CCDC141: variants seen among roughly 807,000 people sequenced by gnomAD.
The protein encoded by CCDC141 is coiled-coil domain-containing protein 141.
In CCDC141, 168 loss-of-function variants were observed where a neutral mutation model predicts 181.0. The ratio of observed to expected loss-of-function variants is 0.93; its 90% CI spans 0.82 to 1.05. The LOEUF (loss-of-function observed/expected upper bound fraction) is 1.05, where lower values mean the gene tolerates loss of function less well. Ranked by LOEUF, CCDC141 falls within the 50% of genes least tolerant of loss-of-function variation. The pLI is 0.00. For synonymous variants in CCDC141, 666 were observed against 642.3 expected (o/e 1.04, Z -0.56); for missense variants, 1,902 against 1,788.5 (o/e 1.06, Z -1.14).
At chr2:178,899,995 G>A (rs1431322816) in intron 8 of CCDC141, among the ~76,000 whole-genome samples, 1 of 152,026 alleles carries the variant, frequency 6.6e-6, no homozygotes, top group East Asian at 1.9e-4. Flanking sequence ...AATTTTTAAT[G>A]GGTTTTTATT....
At chr2:178,871,310 AC>A in intron 14 of CCDC141, 116 bp downstream of exon 14, 1 of 1,203,030 alleles carries the variant, frequency 8.3e-7, no homozygotes, top group Non-Finnish European at 1.2e-6. Context: ...GACAAGCAAT[AC>A]TTTTGTTTAA....
chr2:178,911,222 C>T (rs1688204498), intron 7 of CCDC141, among the ~76,000 whole-genome samples: 1 of 152,170 alleles, frequency 6.6e-6, no homozygotes, highest in Admixed American at 6.5e-5. Flanking sequence ...AGCATTACAT[C>T]ACATTAGAGA....
intron 8 of CCDC141, among the ~76,000 whole-genome samples, chr2:178,902,079 C>A (rs967116462): frequency 2.0e-5 from 3 of 152,064 alleles, no homozygotes; most frequent in African/African-American, 4.8e-5. Context: ...AGGAGAACTA[C>A]AAACCACTGC....
At chr2:178,959,220 C>T (rs535150777) in intron 5 of CCDC141, among the ~76,000 whole-genome samples, 1 of 151,364 alleles carries the variant, frequency 6.6e-6, no homozygotes, top group South Asian at 2.1e-4. Flanking sequence ...TGCAGCACAC[C>T]AACATGGCAC....
At chr2:178,874,331 G>A (rs916943295) in intron 12 of CCDC141, 1 of 152,158 alleles carries the variant, frequency 6.6e-6, no homozygotes, top group Admixed American at 6.6e-5. Flanking sequence ...TTAGGGTAGA[G>A]TGACCGTGTT....
chr2:179,031,347 T>C lies in CCDC141; in HGVS notation c.225+15937A>G, dbSNP rs2042995217. On this transcript the variant is annotated intron_variant, in intron 2 of 23. Coordinates refer to ENST00000443758, the MANE Select transcript of CCDC141 (RefSeq NM_173648.4). ...TTAATATCTGTGGGGTTTATAGTGA[T>C]ACCCATCTTTTACGCCTAATATTAA... Among the ~76,000 whole-genome samples the C allele has an allele frequency of 2.0e-5, 3 of 152,058 alleles. No individual in the cohort carries two copies. The South Asian group carries it at 6.2e-4, about 32-fold the overall frequency.
At chr2:179,016,138 T>TAAG (rs2042534911) in intron 2 of CCDC141, among the ~76,000 whole-genome samples, 1 of 147,942 alleles carries the variant, frequency 6.8e-6, no homozygotes, top group African/African-American at 2.5e-5. Context: ...ACATGGGAGC[T>TAAG]AAGCTATGAG....
intron 2 of CCDC141, among the ~76,000 whole-genome samples, chr2:178,997,161 T>C (rs1024933605): frequency 7.2e-5 from 11 of 152,204 alleles, no homozygotes; most frequent in African/African-American, 2.2e-4. Context: ...TGTGGAGAAA[T>C]TGGGTCTCCG....
chr2:179,009,936 T>C (rs964071519), intron 2 of CCDC141, among the ~76,000 whole-genome samples: 1 of 151,864 alleles, frequency 6.6e-6, no homozygotes, highest in African/African-American at 2.4e-5. Context: ...TTAAAGGAAA[T>C]AGATAGCTTA....
chr2:178,966,697 C>T (rs542716087), intron 4 of CCDC141, among the ~76,000 whole-genome samples: 132 of 152,144 alleles, frequency 8.7e-4, no homozygotes, highest in African/African-American at 3.1e-3. Flanking sequence ...TGCTTCTCCT[C>T]CAAAGGATCA....
intron 5 of CCDC141, among the ~76,000 whole-genome samples, chr2:178,946,700 T>G (rs1180111001): frequency 6.6e-6 from 1 of 152,188 alleles, no homozygotes; most frequent in African/African-American, 2.4e-5. Flanking sequence ...CCAGCAGTGA[T>G]GAAAGCTGGG....
chr2:179,039,964 A>C (rs915158361), intron 2 of CCDC141, among the ~76,000 whole-genome samples: 2 of 152,214 alleles, frequency 1.3e-5, no homozygotes, highest in Non-Finnish European at 2.9e-5. Context: ...TTCTAGACTC[A>C]TAATATTAGA....
intron 11 of CCDC141, among the ~76,000 whole-genome samples, chr2:178,878,698 T>C (rs1441437299): frequency 6.6e-6 from 1 of 152,170 alleles, no homozygotes; most frequent in East Asian, 1.9e-4. Context: ...GGATTGTTGA[T>C]TGTTTGGGTA....
intron 2 of CCDC141, among the ~76,000 whole-genome samples, chr2:179,008,086 A>G (rs2042163843): frequency 6.6e-6 from 1 of 152,204 alleles, no homozygotes; most frequent in African/African-American, 2.4e-5. Flanking sequence ...ACTGAGCCCT[A>G]ATTTTAAAAT....
intron 22 of CCDC141, among the ~76,000 whole-genome samples, chr2:178,842,227 T>C (rs1426886338): frequency 6.6e-6 from 1 of 152,200 alleles, no homozygotes; most frequent in Non-Finnish European, 1.5e-5. Flanking sequence ...CAACTCTCAA[T>C]CTGCTTTTCT....
At chr2:178,824,413 A>G in the CCDC141 span, among the ~76,000 whole-genome samples, 3 of 152,060 alleles carry the variant, frequency 2.0e-5, no homozygotes, top group African/African-American at 7.2e-5. Flanking sequence ...ACCTGAGGTC[A>G]AGAGTTTGGG....
intron 8 of CCDC141, among the ~76,000 whole-genome samples, chr2:178,894,676 A>G (rs1687322584): frequency 2.0e-5 from 3 of 152,092 alleles, no homozygotes; most frequent in African/African-American, 7.2e-5. Flanking sequence ...AAAAAGGAAA[A>G]AAGAGAAAAT....
intron 4 of CCDC141, among the ~76,000 whole-genome samples, chr2:178,972,883 G>A (rs1281825772): frequency 6.6e-6 from 1 of 152,138 alleles, no homozygotes; most frequent in East Asian, 1.9e-4. Context: ...ATATTAGGGA[G>A]CCTTAGCACT....
Position 178,877,999 on chromosome 2 carries a change from C to A in CCDC141, c.1864G>T (p.Asp622Tyr), listed in dbSNP as rs769398988. Reference protein sequence around the residue: ...LFLKKSFITQDLGLEFLNLIN... With the variant: ...LFLKKSFITQYLGLEFLNLIN... Reference sequence around the variant, plus strand: ...AAATTAAGGAACTCAAGCCCTAGATCTTGTGTTATAAAACTCTTCTTTAAA... The same window carrying A: ...AAATTAAGGAACTCAAGCCCTAGATATTGTGTTATAAAACTCTTCTTTAAA... The change falls in exon 12 of 24, where the codon GAT (aspartate) becomes TAT (tyrosine). Residue 622 changes from aspartate (D) to tyrosine (Y), a missense_variant. Transcript: ENST00000443758. 2.5e-6 allele frequency: 4 copies of A among 1,613,886 alleles called. No individual in the cohort carries two copies. In the South Asian group the frequency reaches 4.4e-5, roughly 18 times the overall value.
Sources: allele counts gnomAD v4.1 joint callset (sites outside exome capture counted in the v4.1 genomes callset), GRCh38; gene constraint gnomAD v4.1.1; transcripts MANE v1.5; gene names NCBI Gene and HGNC (gene_info 2026-07-23, HGNC 2026-07-21).